The following SH3PXD2B variants were observed in gnomAD, a reference collection of about 807,000 sequenced individuals.
SH3PXD2B encodes SH3 and PX domain-containing protein 2B.
A neutral mutation model predicts 73.1 loss-of-function variants in SH3PXD2B; 37 were observed. The ratio of observed to expected loss-of-function variants is 0.51; its 90% CI spans 0.39 to 0.67. SH3PXD2B has a LOEUF of 0.67. Among genes scored for constraint, SH3PXD2B ranks in the 30% least tolerant of loss-of-function variants. The pLI is 0.00. For synonymous variants in SH3PXD2B, 457 were observed against 480.5 expected, an observed-to-expected ratio of 0.95 and a Z score of 0.64; for missense variants, 1,053 against 1,197.8, an observed-to-expected ratio of 0.88 and a Z score of 1.78.
At chr5:172,375,101 G>C (rs985522979) in intron 5 of SH3PXD2B, among the ~76,000 whole-genome samples, 1 of 152,188 alleles carries the variant, frequency 6.6e-6, no homozygotes, top group Non-Finnish European at 1.5e-5. Flanking sequence ...GTTCACGCCT[G>C]TAATCCCAGC....
chr5:172,424,883 C>T (rs769506040), intron 1 of SH3PXD2B, among the ~76,000 whole-genome samples: 1 of 152,162 alleles, frequency 6.6e-6, no homozygotes, highest in Non-Finnish European at 1.5e-5. Flanking sequence ...CATGAAACCT[C>T]AGCACCTTGC....
intron 7 of SH3PXD2B, among the ~76,000 whole-genome samples, chr5:172,360,421 C>T (rs1436580557): frequency 3.9e-5 from 6 of 152,150 alleles, no homozygotes; most frequent in East Asian, 1.9e-4. Context: ...CAAACCAAGG[C>T]GGTCTCTGAG....
chr5:172,370,442 A>C (rs545363393), intron 6 of SH3PXD2B, among the ~76,000 whole-genome samples: 13 of 152,326 alleles, frequency 8.5e-5, no homozygotes, highest in Middle Eastern at 6.8e-3. Flanking sequence ...AGAATGACAG[A>C]ACCAAGGAAT....
At chr5:172,346,663 T>C (rs985346253) in intron 11 of SH3PXD2B, among the ~76,000 whole-genome samples, 3 of 151,864 alleles carry the variant, frequency 2.0e-5, no homozygotes, top group Non-Finnish European at 4.4e-5. Context: ...TCCTGCAGAG[T>C]GGGCATAACA....
chr5:172,358,687 G>A, intron 8 of SH3PXD2B, 86 bp downstream of exon 8: 1 of 1,240,494 alleles, frequency 8.1e-7, no homozygotes, highest in Non-Finnish European at 1.2e-6. Context: ...GAGGCCAAAA[G>A]AAGAGATTGG....
In SH3PXD2B at chr5:172,333,562, G is replaced by A. The variant is rs929123641; in HGVS notation, c.*4807C>T. 5.1e-6 allele frequency: 6 copies of A among 1,171,778 alleles called. No homozygotes were observed. The African/African-American group carries it at 6.7e-5, about 13-fold the overall frequency. 72.6% of individuals were successfully genotyped at this position (1,171,778 alleles called of 1,614,324 possible). On this transcript the variant is annotated 3_prime_UTR_variant, in exon 13 of 13. Coordinates refer to ENST00000311601, the MANE Select transcript of SH3PXD2B (RefSeq NM_001017995.3). ...ATTTAAAAAAAAAAAAAGGAAAGAAGTCAAATGGTAAAGTATATAGCCTAC... is the reference window on the plus strand; with the variant it reads ...ATTTAAAAAAAAAAAAAGGAAAGAAATCAAATGGTAAAGTATATAGCCTAC...
At chr5:172,374,853 C>A (rs748727585) in intron 5 of SH3PXD2B, among the ~76,000 whole-genome samples, 1 of 152,006 alleles carries the variant, frequency 6.6e-6, no homozygotes, top group African/African-American at 2.4e-5. Flanking sequence ...AGACCCAGTG[C>A]CGGCACCCTG....
chr5:172,424,827 C>T (rs192055071), intron 1 of SH3PXD2B, among the ~76,000 whole-genome samples: 2 of 152,288 alleles, frequency 1.3e-5, no homozygotes, highest in African/African-American at 4.8e-5. Flanking sequence ...GTGATTAGCA[C>T]AAGAGGAAAA....
rs1756735255 is a variant in SH3PXD2B at position 172,337,641 on chromosome 5, C to T, written c.*728G>A. ...TCTCATTGAAAAGCCCTGGAGGGAC[C>T]GGAGCCTGCAGCAGCAAAGCGCAGC... On this transcript the variant is annotated 3_prime_UTR_variant, in exon 13 of 13. Transcript: ENST00000311601. 4 of 986,112 alleles carry T rather than the reference C, an allele frequency of 4.1e-6. No homozygotes were observed. The highest frequency in any genetic ancestry group is 1.7e-5 in the African/African-American group (1 of 57,240). 61.1% of individuals were successfully genotyped at this position (986,112 alleles called of 1,614,324 possible).
chr5:172,388,084 T>C (rs1581299204), intron 4 of SH3PXD2B, among the ~76,000 whole-genome samples: 1 of 152,224 alleles, frequency 6.6e-6, no homozygotes, highest in Non-Finnish European at 1.5e-5. Flanking sequence ...CAAATACACA[T>C]GGATCTGTTT....
chr5:172,419,314 G>C (rs1250053072), intron 2 of SH3PXD2B, among the ~76,000 whole-genome samples: 1 of 151,552 alleles, frequency 6.6e-6, no homozygotes, highest in Non-Finnish European at 1.5e-5. Flanking sequence ...GCACTTCCAG[G>C]GCCCCCTTCC....
intron 4 of SH3PXD2B, among the ~76,000 whole-genome samples, chr5:172,384,270 T>C (rs974917455): frequency 2.0e-4 from 30 of 152,154 alleles, no homozygotes; most frequent in African/African-American, 6.3e-4. Flanking sequence ...AGGCCTCCAG[T>C]GTGGCACCTT....
rs780400593 is a variant in SH3PXD2B, at chr5:172,338,966, C to T, written c.2139G>A (p.Thr713=). The T allele has an allele frequency of 2.9e-5, 46 of 1,614,026 alleles. No homozygotes were observed. In the African/African-American group the frequency reaches 4.5e-4, roughly 16 times the overall value. ...TTGGGCTGAGACCATCCTGTTTGCC[C>T]GTCCTGTCCTGGGCGCGGCCAGGCC... ...GEGPGRAQDR[T]GKQDGLSPKE... The change falls in exon 13 of 13, where the codon ACG becomes ACA. Residue 713 remains threonine, a synonymous_variant. Transcript: ENST00000311601. This position sits in a 1 kb window ranked among gnomAD's most constrained non-coding sequence, Gnocchi z 5.1.
chr5:172,449,221 C>T (rs375937752), intron 1 of SH3PXD2B, among the ~76,000 whole-genome samples: 128 of 152,242 alleles, frequency 8.4e-4, no homozygotes, highest in African/African-American at 2.9e-3. Context: ...CTTCTTCAGT[C>T]GGGGCTGAAT....
chr5:172,403,152 G>A (rs570252202), intron 3 of SH3PXD2B, among the ~76,000 whole-genome samples: 3 of 152,368 alleles, frequency 2.0e-5, no homozygotes, highest in African/African-American at 4.8e-5. Flanking sequence ...GTTCAGAGGC[G>A]AGCACAGCCT....
Position 172,422,424 on chromosome 5 carries a change from CA to C in SH3PXD2B, c.147del (p.Phe49LeufsTer47). The C allele has an allele frequency of 6.2e-7, 1 of 1,609,914 alleles. No homozygotes were observed. Among genetic ancestry groups the C allele is most frequent in the Non-Finnish European group, 8.5e-7 (1 of 1,178,636 alleles). On this transcript the variant is annotated frameshift_variant, in exon 2 of 13. Coordinates refer to ENST00000311601, the MANE Select transcript of SH3PXD2B (RefSeq NM_001017995.3). LOFTEE classifies it high-confidence loss of function. ...EAIYRRYSKF[F>X]DLQMQMLDKF... Reference sequence around the variant, plus strand: ...AGACCTCAAATCCTTACCTGGAGGTCAAAAAACTTGCTGTAGCGCCGGTAAA... The same window carrying C: ...AGACCTCAAATCCTTACCTGGAGGTCAAAAACTTGCTGTAGCGCCGGTAAA...
chr5:172,436,443 A>G (rs1561581968), intron 1 of SH3PXD2B, among the ~76,000 whole-genome samples: 1 of 152,238 alleles, frequency 6.6e-6, no homozygotes, highest in Non-Finnish European at 1.5e-5. Context: ...CAGGCAGACA[A>G]CAAAGGGTTC....
At position 172,368,650 on chromosome 5, in the gene SH3PXD2B, A is replaced by AT. The variant is rs1491170696; in HGVS notation, c.427+5139_427+5140insA. On this transcript the variant is annotated intron_variant, in intron 6 of 12. Transcript: ENST00000311601. ...TATATAATATATATGTTATATATATAAAATATATATATTATATATATATAA... is the reference window on the plus strand; with the variant it reads ...TATATAATATATATGTTATATATATATAAATATATATATTATATATATATAA... Among the ~76,000 whole-genome samples, 80 of 32,052 alleles carry AT rather than the reference A, an allele frequency of 2.5e-3. 10 individuals carry two copies. The highest frequency in any genetic ancestry group is 4.7e-3 in the African/African-American group (22 of 4,690). The allele number at this position is 32,052 out of a possible 152,430, so 21.0% of individuals were successfully genotyped here.
At chr5:172,350,630 G>A in intron 9 of SH3PXD2B, 41 bp from the exon 10 acceptor site, 1 of 1,549,762 alleles carries the variant, frequency 6.5e-7, no homozygotes, top group Non-Finnish European at 8.8e-7. Flanking sequence ...TGCTCCGCCA[G>A]GCCCAAGGGA....
Sources: gnomAD v4.1 joint callset for allele counts (sites outside exome capture counted in the v4.1 genomes callset) on GRCh38, gnomAD v4.1.1 for gene constraint, Gnocchi (gnomAD v3.1) non-coding constraint, MANE v1.5 for transcripts, NCBI Gene and HGNC (gene_info 2026-07-23, HGNC 2026-07-21) for gene names.